The following ADAMTS18 variants were observed in gnomAD, a reference collection of about 807,000 sequenced individuals.
The protein encoded by ADAMTS18 is A disintegrin and metalloproteinase with thrombospondin motifs 18.
Under a neutral mutation model 165.9 loss-of-function variants are expected in ADAMTS18, and 157 were observed. The ratio of observed to expected loss-of-function variants is 0.95; its 90% CI spans 0.83 to 1.08. The LOEUF (loss-of-function observed/expected upper bound fraction) is 1.08. ADAMTS18 is among the 50% of genes least tolerant of loss of function. The probability of loss-of-function intolerance (pLI) is 0.00; values close to 1 mark genes in which losing one functional copy is unlikely to be tolerated. For missense variants in ADAMTS18, 2,040 were observed against 1,534.0 expected (o/e 1.33, Z -5.51); for synonymous variants, 782 against 578.2 (o/e 1.35, Z -5.06).
chr16:77,328,211 T>C (rs578070509), intron 12 of ADAMTS18, among the ~76,000 whole-genome samples: 57 of 152,212 alleles, frequency 3.7e-4, no homozygotes, highest in Admixed American at 3.6e-3. Flanking sequence ...CACCACCACA[T>C]TGAAAATTAC....
At chr16:77,397,981 A>G (rs1034376989) in intron 3 of ADAMTS18, among the ~76,000 whole-genome samples, 2 of 152,150 alleles carry the variant, frequency 1.3e-5, no homozygotes, top group African/African-American at 4.8e-5. Context: ...GACACCCAAT[A>G]TAAAGGATGG....
intron 17 of ADAMTS18, 136 bp downstream of exon 17, chr16:77,300,127 C>G: frequency 4.8e-6 from 5 of 1,047,890 alleles, no homozygotes; most frequent in Non-Finnish European, 5.7e-6. Flanking sequence ...ATAATATTTG[C>G]TTTTATGGTG....
intron 11 of ADAMTS18, among the ~76,000 whole-genome samples, chr16:77,338,778 C>A (rs1322098504): frequency 6.6e-6 from 1 of 151,456 alleles, no homozygotes; most frequent in Non-Finnish European, 1.5e-5. Context: ...ACGGTGAAAC[C>A]TCATCTCTAA....
At chr16:77,387,228 C>A (rs554298003) in intron 3 of ADAMTS18, among the ~76,000 whole-genome samples, 1 of 152,170 alleles carries the variant, frequency 6.6e-6, no homozygotes, top group Non-Finnish European at 1.5e-5. Flanking sequence ...CATGCAAATT[C>A]TCTTCCTGTT....
chr16:77,409,607 C>T (rs938038965), intron 3 of ADAMTS18, among the ~76,000 whole-genome samples: 20 of 152,172 alleles, frequency 1.3e-4, no homozygotes, highest in Non-Finnish European at 2.6e-4. Flanking sequence ...GCTTGATGAC[C>T]TACAGTATAC....
At chr16:77,299,152 A>C (rs192708473) in intron 17 of ADAMTS18, among the ~76,000 whole-genome samples, 248 of 152,376 alleles carry the variant, frequency 1.6e-3, no homozygotes, top group Non-Finnish European at 1.6e-3. Flanking sequence ...AGATGTCTAT[A>C]ACATGATTTC....
chr16:77,339,174 T>C (rs1303983239), intron 11 of ADAMTS18, among the ~76,000 whole-genome samples: 2 of 150,892 alleles, frequency 1.3e-5, no homozygotes, highest in South Asian at 4.2e-4. Flanking sequence ...CTCATGAAAT[T>C]TACAGTCTAA....
intron 3 of ADAMTS18, among the ~76,000 whole-genome samples, chr16:77,430,148 C>G (rs1461569269): frequency 8.4e-6 from 1 of 118,980 alleles, no homozygotes; most frequent in Non-Finnish European, 2.0e-5. Context: ...TGTGCCACAA[C>G]AAAACAAACA....
At chr16:77,341,974 A>T (rs777285185) in intron 10 of ADAMTS18, among the ~76,000 whole-genome samples, 175 bp from the exon 11 acceptor site, 1 of 152,214 alleles carries the variant, frequency 6.6e-6, no homozygotes, top group Non-Finnish European at 1.5e-5. Context: ...TAGTAACTAT[A>T]TAAGTGGGGG....
chr16:77,401,653 T>C (rs2144811111), intron 3 of ADAMTS18, among the ~76,000 whole-genome samples: 1 of 152,308 alleles, frequency 6.6e-6, no homozygotes, highest in South Asian at 2.1e-4. Flanking sequence ...GTAAATGTTA[T>C]TTCTGGGTGT....
chr16:77,417,943 TGGTCTTA>T (rs1472736745), intron 3 of ADAMTS18, among the ~76,000 whole-genome samples: 3 of 152,228 alleles, frequency 2.0e-5, no homozygotes, highest in Non-Finnish European at 1.5e-5. Flanking sequence ...CATTTAACTT[TGGTCTTA>T]GGTCAACTGC....
chr16:77,410,243 A>G (rs1459195500), intron 3 of ADAMTS18, among the ~76,000 whole-genome samples: 1 of 152,040 alleles, frequency 6.6e-6, no homozygotes, highest in Non-Finnish European at 1.5e-5. Context: ...TGTTGGTCAT[A>G]ACCAACTGAA....
intron 3 of ADAMTS18, among the ~76,000 whole-genome samples, chr16:77,401,880 G>C (rs1257489551): frequency 6.6e-6 from 1 of 152,154 alleles, no homozygotes; most frequent in African/African-American, 2.4e-5. Flanking sequence ...CAGGTTCTTG[G>C]ACTTCTGTAG....
chr16:77,312,250 T>C (rs1347138600), intron 16 of ADAMTS18, among the ~76,000 whole-genome samples: 2 of 152,178 alleles, frequency 1.3e-5, no homozygotes, highest in Non-Finnish European at 2.9e-5. Context: ...TTTTTGTTTT[T>C]TTTGAGACGG....
chr16:77,430,077 G>T (rs2057720077), intron 3 of ADAMTS18, among the ~76,000 whole-genome samples: 1 of 152,056 alleles, frequency 6.6e-6, no homozygotes, highest in South Asian at 2.1e-4. Context: ...CCTCCTTTAG[G>T]ACACCGGAAT....
intron 13 of ADAMTS18, among the ~76,000 whole-genome samples, chr16:77,324,241 T>C (rs1364461539): frequency 6.6e-6 from 1 of 151,750 alleles, no homozygotes; most frequent in Non-Finnish European, 1.5e-5. Context: ...ACCTCAAGAG[T>C]ATACAACCAA....
intron 11 of ADAMTS18, among the ~76,000 whole-genome samples, chr16:77,340,186 T>C (rs2056377157): frequency 6.6e-6 from 1 of 152,184 alleles, no homozygotes; most frequent in Non-Finnish European, 1.5e-5. Flanking sequence ...ATATTTTTAA[T>C]TTATTTTTGA....
chr16:77,364,282 A>C lies in ADAMTS18; in HGVS notation c.878T>G (p.Leu293Arg). Residue 293 changes from leucine (L) to arginine (R), a missense_variant, in exon 5 of 23, where the codon CTC becomes CGC. Coordinates refer to ENST00000282849, the MANE Select transcript of ADAMTS18 (RefSeq NM_199355.4). ...TGCCACCACGAGGGTTTCCACATTG[A>C]GGCCCTTTTGTGATTTTCCAGCTGA... ...RRSAGKSQKG[L>R]NVETLVVADK... The C allele has an allele frequency of 2.5e-6, 4 of 1,613,958 alleles. No individual in the cohort carries two copies. The highest frequency in any genetic ancestry group is 2.2e-5 in the East Asian group (1 of 44,860).
intron 10 of ADAMTS18, among the ~76,000 whole-genome samples, chr16:77,346,455 G>C (rs925579302): frequency 3.9e-5 from 6 of 151,986 alleles, no homozygotes; most frequent in Non-Finnish European, 8.8e-5. Flanking sequence ...GAATTTTTAA[G>C]AGCTTTCAAG....
Sources: allele counts gnomAD v4.1 joint callset (sites outside exome capture counted in the v4.1 genomes callset), GRCh38; gene constraint gnomAD v4.1.1; transcripts MANE v1.5; gene names NCBI Gene and HGNC (gene_info 2026-07-23, HGNC 2026-07-21).